CCDC34: variants seen among roughly 807,000 people sequenced by gnomAD.
CCDC34 encodes the protein coiled-coil domain containing 34.
Under a neutral mutation model 44.1 loss-of-function variants are expected in CCDC34, and 40 were observed. That is an observed-to-expected ratio of 0.91 (90% CI 0.70 to 1.18). The LOEUF is 1.18. CCDC34 is among the 50% of genes most tolerant of loss of function. CCDC34 has a pLI of 0.00. For synonymous variants in CCDC34, 159 were observed against 158.2 expected (o/e 1.01, Z -0.04); for missense variants, 466 against 452.3 (o/e 1.03, Z -0.28).
chr11:27,361,957 T>A (rs185061541), intron 1 of CCDC34, among the ~76,000 whole-genome samples: 28 of 152,288 alleles, frequency 1.8e-4, no homozygotes, highest in Admixed American at 1.8e-3. Context: ...GGCCCTTTGC[T>A]CCTACTTCTG....
chr11:27,349,562 A>G (rs1862476965), intron 3 of CCDC34: 3 of 965,028 alleles, frequency 3.1e-6, no homozygotes, highest in Non-Finnish European at 3.7e-6. Flanking sequence ...CTGGATTATA[A>G]TAATAAAAGC....
chr11:27,363,214 C>A lies in CCDC34; in HGVS notation c.-20G>T. On this transcript the variant is annotated 5_prime_UTR_variant, in exon 1 of 6. Coordinates refer to ENST00000328697, the MANE Select transcript of CCDC34 (RefSeq NM_030771.2). ...CCACATCTGGCCCGCCAAGTTCAAA[C>A]TGGCGGAGCCGCGGCGGGGACGCGC... 1.4e-6 allele frequency: 2 copies of A among 1,443,506 alleles called. No individual in the cohort carries two copies. Among genetic ancestry groups the A allele is most frequent in the Middle Eastern group, 1.9e-4 (1 of 5,400 alleles). The allele number at this position is 1,443,506 out of a possible 1,614,324, so 89.4% of individuals were successfully genotyped here.
chr11:27,345,053 T>A (rs1565058301), intron 3 of CCDC34, among the ~76,000 whole-genome samples: 2 of 152,144 alleles, frequency 1.3e-5, no homozygotes, highest in South Asian at 4.2e-4. Context: ...TGTGGTCAAT[T>A]GATTTTAAAC....
chr11:27,353,788 A>T (rs1862536132), intron 2 of CCDC34, among the ~76,000 whole-genome samples: 1 of 152,200 alleles, frequency 6.6e-6, no homozygotes, highest in African/African-American at 2.4e-5. Flanking sequence ...GAGTTCATTA[A>T]AAAATAAATA....
intron 2 of CCDC34, 132 bp downstream of exon 2, chr11:27,357,270 AT>A: frequency 1.3e-6 from 1 of 764,156 alleles, no homozygotes; most frequent in Non-Finnish European, 2.0e-6. Context: ...TAGTTATTAA[AT>A]TTGATATAGT....
chr11:27,343,602 T>C (rs1024151024), intron 3 of CCDC34, among the ~76,000 whole-genome samples: 2 of 152,130 alleles, frequency 1.3e-5, no homozygotes, highest in Non-Finnish European at 2.9e-5. Flanking sequence ...TTGGAGTACA[T>C]CTTGCTTAAT....
intron 1 of CCDC34, among the ~76,000 whole-genome samples, chr11:27,360,445 G>A (rs1862646287): frequency 6.6e-6 from 1 of 152,188 alleles, no homozygotes; most frequent in Non-Finnish European, 1.5e-5. Flanking sequence ...CTAGCTCAAA[G>A]AAGCCTTACC....
At chr11:27,361,304 G>T (rs1228516132) in intron 1 of CCDC34, among the ~76,000 whole-genome samples, 1 of 152,190 alleles carries the variant, frequency 6.6e-6, no homozygotes, top group Non-Finnish European at 1.5e-5. Context: ...CAGGGCTTTG[G>T]CTCTTGGAAA....
At chr11:27,348,676 C>T (rs1862466167) in intron 3 of CCDC34, among the ~76,000 whole-genome samples, 1 of 151,830 alleles carries the variant, frequency 6.6e-6, no homozygotes, top group Non-Finnish European at 1.5e-5. Context: ...GGACCACACA[C>T]CATGAAATGT....
At chr11:27,353,000 G>A (rs1424043972) in intron 2 of CCDC34, among the ~76,000 whole-genome samples, 1 of 152,198 alleles carries the variant, frequency 6.6e-6, no homozygotes, top group East Asian at 1.9e-4. Flanking sequence ...CACAGCTGGA[G>A]TCTTCCTTCG....
chr11:27,357,647 A>G, intron 1 of CCDC34, 106 bp from the exon 2 acceptor site: 1 of 922,556 alleles, frequency 1.1e-6, no homozygotes, highest in Non-Finnish European at 1.6e-6. Flanking sequence ...TGTATTTTCA[A>G]TATTGTGATT....
At chr11:27,360,718 G>C (rs375611211) in intron 1 of CCDC34, among the ~76,000 whole-genome samples, 3 of 152,332 alleles carry the variant, frequency 2.0e-5, no homozygotes, top group African/African-American at 7.2e-5. Flanking sequence ...CCAGAACGTG[G>C]TTTACTGCAC....
chr11:27,338,945 T>G lies in CCDC34; in HGVS notation c.998A>C (p.Lys333Thr). The change falls in exon 6 of 6, where the codon AAG becomes ACG. Residue 333 changes from lysine (K) to threonine (T), a missense_variant. By Grantham distance (78) the Lys-to-Thr change is moderately conservative. Coordinates refer to ENST00000328697, the MANE Select transcript of CCDC34 (RefSeq NM_030771.2). ...TTTACTCTTCCTTCCTGATAGATCC[T>G]TAGCTTCTTTGGGAGGTGGCATATG... is the stretch of plus-strand genomic sequence containing the variant. ...PIHMPPPKEA[K>T]DLSGRKSKRP... 1 of 1,613,848 alleles carries G rather than the reference T, an allele frequency of 6.2e-7. No individual in the cohort carries two copies. Among genetic ancestry groups the G allele is most frequent in the South Asian group, 1.1e-5 (1 of 91,070 alleles).
intron 3 of CCDC34, among the ~76,000 whole-genome samples, chr11:27,346,209 A>G (rs1862430720): frequency 2.0e-5 from 3 of 152,176 alleles, no homozygotes; most frequent in African/African-American, 7.2e-5. Context: ...CAGCCTGGCC[A>G]ACATGGTGAA....
chr11:27,342,740 A>C (rs1183277401), intron 3 of CCDC34, among the ~76,000 whole-genome samples: 1 of 152,224 alleles, frequency 6.6e-6, no homozygotes, highest in Non-Finnish European at 1.5e-5. Flanking sequence ...AAAAGTTTAA[A>C]ATATTCATTA....
intron 2 of CCDC34, among the ~76,000 whole-genome samples, chr11:27,354,612 C>T (rs937566655): frequency 3.9e-5 from 6 of 152,102 alleles, no homozygotes; most frequent in Admixed American, 2.0e-4. Context: ...ACACCTGTAA[C>T]CCCAGCACTT....
chr11:27,357,644 T>TTA, intron 1 of CCDC34, 103 bp from the exon 2 acceptor site: 2 of 944,366 alleles, frequency 2.1e-6, no homozygotes, highest in Non-Finnish European at 1.5e-6. Flanking sequence ...TAGTGTATTT[T>TTA]CAATATTGTG....
chr11:27,340,598 GA>G (rs1862341212), intron 5 of CCDC34, 97 bp downstream of exon 5: 1 of 1,243,750 alleles, frequency 8.0e-7, no homozygotes, highest in African/African-American at 1.5e-5. Context: ...TAATTTGAAA[GA>G]AAAATAATTT....
intron 2 of CCDC34, among the ~76,000 whole-genome samples, chr11:27,353,241 C>G (rs973729913): frequency 6.6e-6 from 1 of 151,760 alleles, no homozygotes; most frequent in African/African-American, 2.4e-5. Flanking sequence ...ACCAACAGCT[C>G]TATATCCTGC....
Sources: allele counts gnomAD v4.1 joint callset (sites outside exome capture counted in the v4.1 genomes callset), GRCh38; gene constraint gnomAD v4.1.1; transcripts MANE v1.5; gene names NCBI Gene and HGNC (gene_info 2026-07-23, HGNC 2026-07-21).